FGF7: variants seen among roughly 807,000 people sequenced by gnomAD.
The protein encoded by FGF7 is fibroblast growth factor 7, also known as FGF-7.
Under a neutral mutation model 20.5 loss-of-function variants are expected in FGF7, and 6 were observed. The observed-to-expected ratio is 0.29, with a 90% confidence interval of 0.16 to 0.58. The LOEUF (loss-of-function observed/expected upper bound fraction) is 0.58. FGF7 is among the 20% of genes least tolerant of loss of function. The pLI is 0.90. For synonymous variants in FGF7, 64 were observed against 74.7 expected (o/e 0.86, Z 0.74); for missense variants, 144 against 228.8 (o/e 0.63, Z 2.39).
chr15:49,463,436 C>A (rs759740364), intron 2 of FGF7, among the ~76,000 whole-genome samples: 3 of 151,798 alleles, frequency 2.0e-5, no homozygotes, highest in Non-Finnish European at 4.4e-5. Flanking sequence ...CGCCTGTAAT[C>A]CCAGCTACTT....
At chr15:49,453,390 C>T (rs918217992) in intron 2 of FGF7, among the ~76,000 whole-genome samples, 1 of 152,174 alleles carries the variant, frequency 6.6e-6, no homozygotes. Flanking sequence ...AGGCATGCGC[C>T]ACCGTGCCTG....
intron 2 of FGF7, among the ~76,000 whole-genome samples, chr15:49,443,613 T>A (rs1022230703): frequency 3.3e-5 from 5 of 151,798 alleles, no homozygotes; most frequent in Admixed American, 2.6e-4. Flanking sequence ...CTAAAAACTA[T>A]GATCTAATTC....
At chr15:49,439,082 TG>T (rs1485405776) in intron 2 of FGF7, among the ~76,000 whole-genome samples, 2 of 151,764 alleles carry the variant, frequency 1.3e-5, no homozygotes, top group African/African-American at 4.8e-5. Flanking sequence ...CAGCTAGGGC[TG>T]AAGTCTTCTT....
At position 49,484,343 on chromosome 15, in the gene FGF7, C is replaced by G. The variant is rs1409594042; in HGVS notation, c.424C>G (p.Leu142Val). 1 of 1,589,934 alleles carries G rather than the reference C, an allele frequency of 6.3e-7. No homozygotes were observed. The highest frequency in any genetic ancestry group is 8.5e-7 in the Non-Finnish European group (1 of 1,176,242). The change falls in exon 4 of 4, where the codon CTA (leucine) becomes GTA (valine). Residue 142 changes from leucine (L) to valine (V), a missense_variant. Around this residue, in one of 2 missense-constraint regions of FGF7, gnomAD observed 56 missense variants for 125.4 expected, o/e 0.45. Transcript: ENST00000267843. ...CAATGAAGATTGTAACTTCAAAGAA[C>G]TAATTCTGGAAAACCATTACAACAC... Reference protein sequence around the residue: ...ECNEDCNFKELILENHYNTYA... With the variant: ...ECNEDCNFKEVILENHYNTYA...
At chr15:49,463,884 A>T (rs12148764) in intron 2 of FGF7, among the ~76,000 whole-genome samples, 38,656 of 152,118 alleles carry the variant, frequency 0.25, 5,766 homozygotes, top group Non-Finnish European at 0.35. Context: ...TTTTTAGACT[A>T]CTTCAAACTG....
intron 2 of FGF7, among the ~76,000 whole-genome samples, chr15:49,450,836 G>A (rs2151883325): frequency 6.6e-6 from 1 of 152,216 alleles, no homozygotes; most frequent in South Asian, 2.1e-4. Flanking sequence ...GGATAGCTTA[G>A]GTTTTTTGTC....
chr15:49,484,760 C>A lies in FGF7; in HGVS notation c.*256C>A, dbSNP rs1057636. The A allele has an allele frequency of 0.3, 96,323 of 318,996 alleles. 15,931 individuals are homozygous for A. The highest frequency in any genetic ancestry group is 0.45 in the African/African-American group (21,209 of 46,652). 19.8% of individuals were successfully genotyped at this position (318,996 alleles called of 1,614,324 possible). ...GTAAAAAATTGTAAAACTGGTTGTA[C>A]AATCATGATGTTAGTAACAGTAATT... On this transcript the variant is annotated 3_prime_UTR_variant, in exon 4 of 4. Coordinates refer to ENST00000267843, the MANE Select transcript of FGF7 (RefSeq NM_002009.4).
At chr15:49,471,598 TAAGTA>T (rs1186406874) in intron 2 of FGF7, among the ~76,000 whole-genome samples, 4 of 151,842 alleles carry the variant, frequency 2.6e-5, no homozygotes, top group Non-Finnish European at 4.4e-5. Flanking sequence ...TGAACATAGT[TAAGTA>T]ATCAATGACT....
intron 2 of FGF7, among the ~76,000 whole-genome samples, chr15:49,432,458 T>G (rs888772153): frequency 1.3e-5 from 2 of 151,692 alleles, no homozygotes; most frequent in African/African-American, 4.8e-5. Context: ...GAAAAGAGTA[T>G]ACATGATTTC....
chr15:49,428,887 T>C (rs1200112096), intron 2 of FGF7, among the ~76,000 whole-genome samples: 1 of 151,994 alleles, frequency 6.6e-6, no homozygotes, highest in Non-Finnish European at 1.5e-5. Flanking sequence ...TGTTAGACTG[T>C]GATGGGATAT....
At position 49,484,725 on chromosome 15, in the gene FGF7, A is replaced by C; in HGVS notation, c.*221A>C. The C allele has an allele frequency of 2.7e-6, 1 of 369,390 alleles. No homozygotes were observed. Among genetic ancestry groups the C allele is most frequent in the Non-Finnish European group, 4.8e-6 (1 of 207,762 alleles). The allele number at this position is 369,390 out of a possible 1,614,324, so 22.9% of individuals were successfully genotyped here. On this transcript the variant is annotated 3_prime_UTR_variant, in exon 4 of 4. Coordinates refer to ENST00000267843, the MANE Select transcript of FGF7 (RefSeq NM_002009.4). ...GTATACACAAAAATCAGATTTAGTA[A>C]CTAAAGGTTGTAAAAAATTGTAAAA...
At chr15:49,451,034 G>GT (rs895408714) in intron 2 of FGF7, among the ~76,000 whole-genome samples, 17 of 151,260 alleles carry the variant, frequency 1.1e-4, no homozygotes, top group Admixed American at 2.6e-4. Context: ...CTAAAAACTG[G>GT]TTTTTTTTTA....
intron 2 of FGF7, among the ~76,000 whole-genome samples, chr15:49,426,442 A>C (rs1299469346): frequency 6.6e-6 from 1 of 151,942 alleles, no homozygotes; most frequent in Non-Finnish European, 1.5e-5. Context: ...TCCTTTTACC[A>C]AGTAATGAAA....
chr15:49,455,257 C>T (rs777305525), intron 2 of FGF7, among the ~76,000 whole-genome samples: 20 of 152,112 alleles, frequency 1.3e-4, no homozygotes, highest in Non-Finnish European at 2.4e-4. Context: ...ACAGTGTTAA[C>T]AAAGCGGCCA....
intron 2 of FGF7, among the ~76,000 whole-genome samples, chr15:49,451,259 CA>C (rs2052708087): frequency 6.6e-6 from 1 of 151,948 alleles, no homozygotes; most frequent in Non-Finnish European, 1.5e-5. Flanking sequence ...GTGACAACTA[CA>C]TATATTGCAT....
At chr15:49,433,213 T>A (rs1765874735) in intron 2 of FGF7, among the ~76,000 whole-genome samples, 1 of 151,708 alleles carries the variant, frequency 6.6e-6, no homozygotes, top group African/African-American at 2.4e-5. Context: ...TCTCTTTCTG[T>A]GCCCCAATTG....
intron 1 of FGF7, among the ~76,000 whole-genome samples, 187 bp from the exon 2 acceptor site, chr15:49,423,845 T>C (rs2049898153): frequency 6.6e-6 from 1 of 151,906 alleles, no homozygotes; most frequent in African/African-American, 2.4e-5. Flanking sequence ...CATGCATAAA[T>C]TTTATAAATC....
chr15:49,456,478 T>C (rs1245528942), intron 2 of FGF7, among the ~76,000 whole-genome samples: 1 of 152,152 alleles, frequency 6.6e-6, no homozygotes, highest in African/African-American at 2.4e-5. Flanking sequence ...TTCTCAACCA[T>C]TATATTTCCA....
chr15:49,433,169 G>C (rs2050766351), intron 2 of FGF7, among the ~76,000 whole-genome samples: 1 of 151,396 alleles, frequency 6.6e-6, no homozygotes. Flanking sequence ...TCAATTATTT[G>C]AGATTTTCAA....
Sources: allele counts gnomAD v4.1 joint callset (sites outside exome capture counted in the v4.1 genomes callset), GRCh38; gene constraint gnomAD v4.1.1; regional missense constraint gnomAD v4.1.1; transcripts MANE v1.5; gene names NCBI Gene and HGNC (gene_info 2026-07-23, HGNC 2026-07-21).